The following DNAH1 variants were observed in gnomAD, a reference collection of about 807,000 sequenced individuals.
The protein encoded by DNAH1 is axonemal beta dynein heavy chain 1.
DNAH1 carries 327 observed loss-of-function variants against 484.3 expected under a neutral mutation model. That is an observed-to-expected ratio of 0.68 (90% CI 0.62 to 0.74). The LOEUF is 0.74. Ranked by LOEUF, DNAH1 falls within the 30% of genes least tolerant of loss-of-function variation. The pLI is 0.00. For synonymous variants in DNAH1, 2,192 were observed against 2,191.9 expected, an observed-to-expected ratio of 1.00 and a Z score of 0.00; for missense variants, 5,052 against 5,546.8, an observed-to-expected ratio of 0.91 and a Z score of 2.83.
At chr3:52,394,343 C>T in intron 66 of DNAH1, 122 bp from the exon 67 acceptor site, 1 of 945,926 alleles carries the variant, frequency 1.1e-6, no homozygotes, top group Non-Finnish European at 1.6e-6. Context: ...TGACTACCAT[C>T]CCCAAGGGAG....
In DNAH1 at chr3:52,326,312, G is replaced by A. The variant is rs1200966004; in HGVS notation, c.579G>A (p.Glu193=). 3 of 1,605,040 alleles carry A rather than the reference G, an allele frequency of 1.9e-6. No individual in the cohort carries two copies. The highest frequency in any genetic ancestry group is 2.5e-6 in the Non-Finnish European group (3 of 1,179,530). The change falls in exon 4 of 78, where the codon GAG becomes GAA. Residue 193 remains glutamate (E), a splice_region_variant and synonymous_variant. Transcript: ENST00000420323. The stretch of plus-strand genomic sequence containing the variant: ...AGCATCCTCGCAAGATTGAGATCGA[G>A]AGGTACGGCTGGGTGGGCTGTGGGG... ...PGQHPRKIEI[E]RRKQQYLSLD... is the part of the protein sequence containing the mutation.
chr3:52,315,032 C>T (rs1478313655), upstream of DNAH1, among the ~76,000 whole-genome samples: 1 of 152,178 alleles, frequency 6.6e-6, no homozygotes, highest in Non-Finnish European at 1.5e-5. Context: ...AAATTTTCTC[C>T]ATTTTTATTC....
chr3:52,311,697 C>T (rs575626632), upstream of DNAH1, among the ~76,000 whole-genome samples: 8 of 152,308 alleles, frequency 5.3e-5, no homozygotes, highest in East Asian at 9.6e-4. Context: ...AAAGCTGGAC[C>T]GTGACCAGAC....
At chr3:52,384,075 A>G in intron 52 of DNAH1, 44 bp downstream of exon 52, 1 of 1,512,512 alleles carries the variant, frequency 6.6e-7, no homozygotes, top group Non-Finnish European at 8.9e-7. Context: ...AGACCTGTTT[A>G]GCTTGGGGCA....
chr3:52,352,184 C>T, intron 17 of DNAH1, 81 bp downstream of exon 17: 1 of 1,513,996 alleles, frequency 6.6e-7, no homozygotes, highest in Non-Finnish European at 8.9e-7. Flanking sequence ...GGCCTCACTT[C>T]TTGCATTCAG....
At chr3:52,386,910 G>C in intron 56 of DNAH1, 57 bp downstream of exon 56, 1 of 1,471,120 alleles carries the variant, frequency 6.8e-7, no homozygotes, top group Non-Finnish European at 9.0e-7. Context: ...CCGCCCGGCA[G>C]GACAGTGAAG....
chr3:52,368,699 G>A lies in DNAH1; in HGVS notation c.5766-42G>A, dbSNP rs375196794. 6.1e-5 allele frequency: 97 copies of A among 1,585,708 alleles called. No individual in the cohort carries two copies. The highest frequency in any genetic ancestry group is 7.2e-5 in the Non-Finnish European group (83 of 1,160,288). On this transcript the variant is annotated intron_variant, in intron 36 of 77. Transcript: ENST00000420323. The surrounding 1 kb of genome is among the most constrained non-coding windows in gnomAD (Gnocchi z 4.4). ...GGGAGCCAGCTGTGCTCGAAGCACC[G>A]CCTCCCTGATGTTTCCAGCCCTCTC... is the stretch of plus-strand genomic sequence containing the variant.
intron 37 of DNAH1, among the ~76,000 whole-genome samples, chr3:52,369,478 A>G (rs1019787189): frequency 1.8e-4 from 27 of 152,152 alleles, no homozygotes; most frequent in African/African-American, 5.8e-4. Flanking sequence ...CTGGCAGTCA[A>G]TGTGGACCTG....
chr3:52,360,040 T>A lies in DNAH1; in HGVS notation c.4532T>A (p.Val1511Glu). ...GTGAGCAAGCTAATCCAGGAGAACG[T>A]GGTCAGCGTGAATGACTTCCAGTGG... ...DVVSKLIQEN[V>E]VSVNDFQWIS... Residue 1511 changes from valine (V) to glutamate (E), a missense_variant, in exon 27 of 78, where the codon GTG becomes GAG. Val to Glu is a moderately radical substitution (Grantham distance 121). Around this residue, in one of 4 missense-constraint regions of DNAH1, gnomAD observed 2,929 missense variants for 3,409.4 expected, o/e 0.86. Transcript: ENST00000420323. 6.2e-7 allele frequency: 1 copy of A among 1,613,892 alleles called. No homozygotes were observed. The highest frequency in any genetic ancestry group is 8.5e-7 in the Non-Finnish European group (1 of 1,179,880).
In DNAH1 at chr3:52,352,120, G is replaced by C; in HGVS notation, c.2871+17G>C. The stretch of plus-strand genomic sequence containing the variant: ...GGGCTGCAGGTGGGGCACAGCTGCA[G>C]GCTTGGTGCTGGACACAGCCCCCAC... On this transcript the variant is annotated intron_variant, in intron 17 of 77. Coordinates refer to ENST00000420323, the MANE Select transcript of DNAH1 (RefSeq NM_015512.5). 6.4e-7 allele frequency: 1 copy of C among 1,565,450 alleles called. No homozygotes were observed. Among genetic ancestry groups the C allele is most frequent in the South Asian group, 1.2e-5 (1 of 84,908 alleles).
chr3:52,362,537 G>A lies in DNAH1; in HGVS notation c.5094+36G>A. On this transcript the variant is annotated intron_variant, in intron 31 of 77. Transcript: ENST00000420323. The surrounding 1 kb of genome is among the most constrained non-coding windows in gnomAD (Gnocchi z 5.1). ...GCCCAGAGTGGCCCAGGAAGCACCAGAGCTCTAGCCTGAGTTCAGAGATGC... is the reference window on the plus strand; with the variant it reads ...GCCCAGAGTGGCCCAGGAAGCACCAAAGCTCTAGCCTGAGTTCAGAGATGC... 6.3e-7 allele frequency: 1 copy of A among 1,578,036 alleles called. No homozygotes were observed. The highest frequency in any genetic ancestry group is 8.7e-7 in the Non-Finnish European group (1 of 1,154,902).
chr3:52,391,571 ACT>A lies in DNAH1; in HGVS notation c.10022_10023del (p.Leu3341HisfsTer39). On this transcript the variant is annotated frameshift_variant, in exon 63 of 78. Transcript: ENST00000420323. LOFTEE classifies it high-confidence loss of function. ...PHYTPEISTK[L>X]TLINFTLSPS... ...ACTACACGCCCGAGATCTCCACCAA[ACT>A]CACCCTCATCAACTTCACCCTGTCG... is the stretch of plus-strand genomic sequence containing the variant. 2 of 1,613,212 alleles carry A rather than the reference ACT, an allele frequency of 1.2e-6. No homozygotes were observed. The highest frequency in any genetic ancestry group is 1.7e-6 in the Non-Finnish European group (2 of 1,179,652).
At chr3:52,363,277 C>T in intron 32 of DNAH1, 133 bp downstream of exon 32, 2 of 1,210,448 alleles carry the variant, frequency 1.7e-6, no homozygotes, top group Non-Finnish European at 2.3e-6. Context: ...CTCCCAGCAA[C>T]CCTTGGAGAT....
At chr3:52,386,388 C>A in intron 55 of DNAH1, 43 bp downstream of exon 55, 1 of 1,517,476 alleles carries the variant, frequency 6.6e-7, no homozygotes. Context: ...TCATATGCCT[C>A]TGTCCTCAAG....
At position 52,370,774 on chromosome 3, in the gene DNAH1, G is replaced by C. The variant is rs371470583; in HGVS notation, c.6474G>C (p.Ala2158=). Residue 2158 remains alanine (A), a synonymous_variant, in exon 41 of 78, where the codon GCG becomes GCC. Transcript: ENST00000420323. ...GLVFDYRLED[A]GISGTNDSED... is the part of the protein sequence containing the mutation. ...TGTTCGATTACAGGCTGGAGGACGC[G>C]GGCATCAGTGGCACCAACGACAGTG... The C allele has an allele frequency of 1.7e-5, 28 of 1,607,464 alleles. No individual in the cohort carries two copies. The highest frequency in any genetic ancestry group is 2.3e-5 in the Non-Finnish European group (27 of 1,177,470).
upstream of DNAH1, among the ~76,000 whole-genome samples, chr3:52,315,309 T>C (rs894472381): frequency 6.6e-6 from 1 of 152,222 alleles, no homozygotes; most frequent in Non-Finnish European, 1.5e-5. Context: ...TCAGTCTGGA[T>C]GCCTGTCACC....
chr3:52,392,799 T>TGGGGGGGGGGGGGGG, intron 64 of DNAH1, 31 bp from the exon 65 acceptor site: 2 of 1,274,368 alleles, frequency 1.6e-6, no homozygotes, highest in Non-Finnish European at 2.2e-6. Context: ...TTCTGCTCTT[T>TGGGGGGGGGGGGGGG]GACCCCTCCC....
In DNAH1 at chr3:52,396,618, G is replaced by T; in HGVS notation, c.11431G>T (p.Val3811Leu). 1.2e-6 allele frequency: 2 copies of T among 1,612,008 alleles called. No homozygotes were observed. The highest frequency in any genetic ancestry group is 1.7e-6 in the Non-Finnish European group (2 of 1,178,594). ...GEDFLNSCHK[V>L]MEFKSLLLSL... ...CTCCCCTGCCTCCCACCTCCCCCAGGTGATGGAGTTCAAGTCTCTGCTGCT... is the reference window on the plus strand; with the variant it reads ...CTCCCCTGCCTCCCACCTCCCCCAGTTGATGGAGTTCAAGTCTCTGCTGCT... The change falls in exon 72 of 78, where the codon GTG becomes TTG. Residue 3811 changes from valine (V) to leucine (L), a missense_variant and splice_region_variant. Transcript: ENST00000420323.
intron 50 of DNAH1, 33 bp downstream of exon 50, chr3:52,382,488 G>A (rs369750145): frequency 8.1e-6 from 13 of 1,611,152 alleles, no homozygotes; most frequent in African/African-American, 1.3e-5. Context: ...CAGGGCTCGG[G>A]GGGGCTGGAC....
Sources: allele counts gnomAD v4.1 joint callset (sites outside exome capture counted in the v4.1 genomes callset), GRCh38; gene constraint gnomAD v4.1.1; regional missense constraint gnomAD v4.1.1; non-coding constraint Gnocchi (gnomAD v3.1); transcripts MANE v1.5; gene names NCBI Gene and HGNC (gene_info 2026-07-23, HGNC 2026-07-21).